The following PCDHA12 variants were observed in gnomAD, a reference collection of about 807,000 sequenced individuals.
PCDHA12 encodes protocadherin alpha 12, also known as protocadherin alpha-12.
PCDHA12 carries 44 observed loss-of-function variants against 60.0 expected under a neutral mutation model. The observed-to-expected ratio is 0.73, with a 90% confidence interval of 0.58 to 0.94. The LOEUF is 0.94. Among genes scored for constraint, PCDHA12 ranks in the 40% least tolerant of loss-of-function variants. The pLI, the probability that PCDHA12 is intolerant of heterozygous loss-of-function variation, is 0.00. For synonymous variants in PCDHA12, 569 were observed against 553.0 expected (o/e 1.03, Z -0.40); for missense variants, 1,276 against 1,239.7 (o/e 1.03, Z -0.44).
chr5:140,974,043 TATG>T (rs1554235772), intron 1 of PCDHA12, among the ~76,000 whole-genome samples: 1 of 152,238 alleles, frequency 6.6e-6, no homozygotes, highest in Non-Finnish European at 1.5e-5. Flanking sequence ...AGCTTATTAA[TATG>T]ATAATATTTG....
intron 1 of PCDHA12, among the ~76,000 whole-genome samples, chr5:140,978,370 A>T (rs78042832): frequency 6.6e-6 from 1 of 152,200 alleles, no homozygotes; most frequent in Non-Finnish European, 1.5e-5. Context: ...AAACTCTGCA[A>T]TAGTTTGTTT....
At chr5:141,000,921 C>T (rs562554000) in intron 3 of PCDHA12, among the ~76,000 whole-genome samples, 1 of 152,006 alleles carries the variant, frequency 6.6e-6, no homozygotes, top group Non-Finnish European at 1.5e-5. Flanking sequence ...AAAAAAAAAT[C>T]CTGTGTGATT....
At position 140,876,449 on chromosome 5, in the gene PCDHA12, G is replaced by T. The variant is rs1396307044; in HGVS notation, c.977G>T (p.Gly326Val). 6.2e-7 allele frequency: 1 copy of T among 1,613,880 alleles called. No individual in the cohort carries two copies. Among genetic ancestry groups the T allele is most frequent in the Non-Finnish European group, 8.5e-7 (1 of 1,179,902 alleles). ...ATTCAGGTTAACGCCATTGATAAAGGGATTCCTTCCATGGCAGGTCACAGC... is the reference window on the plus strand; with the variant it reads ...ATTCAGGTTAACGCCATTGATAAAGTGATTCCTTCCATGGCAGGTCACAGC... ...YEIQVNAIDK[G>V]IPSMAGHSMV... The change falls in exon 1 of 4, where the codon GGG becomes GTG. Residue 326 changes from glycine (G) to valine (V), a missense_variant. Coordinates refer to ENST00000398631, the MANE Select transcript of PCDHA12 (RefSeq NM_018903.4).
At position 140,969,226 on chromosome 5, in the gene PCDHA12, G is replaced by A. The variant is rs145631723; in HGVS notation, c.2368-9723G>A. 3.9e-4 allele frequency: 622 copies of A among 1,614,150 alleles called. 3 individuals are homozygous for A. The African/African-American group carries it at 5.9e-3, about 15-fold the overall frequency. On this transcript the variant is annotated intron_variant, in intron 1 of 3. Transcript: ENST00000398631. Reference sequence around the variant, plus strand: ...GGGCCCAGACAGGACCAGGGCCTTCGGGAGCCCAAGCAGCAGTGACTGACA... The same window carrying A: ...GGGCCCAGACAGGACCAGGGCCTTCAGGAGCCCAAGCAGCAGTGACTGACA...
At chr5:140,927,558 T>C (rs1554204736) in intron 1 of PCDHA12, 1 of 1,614,144 alleles carries the variant, frequency 6.2e-7, no homozygotes, top group East Asian at 2.2e-5. Context: ...TCACCATCAT[T>C]GTGGTGGACA....
intron 1 of PCDHA12, among the ~76,000 whole-genome samples, chr5:140,946,992 A>T (rs1393633852): frequency 1.3e-5 from 2 of 151,908 alleles, no homozygotes; most frequent in East Asian, 3.9e-4. Context: ...TGAGTGTTCT[A>T]ACTTCAAAGA....
At chr5:140,929,189 A>G (rs782622519) in intron 1 of PCDHA12, 62 of 1,614,180 alleles carry the variant, frequency 3.8e-5, no homozygotes, top group Non-Finnish European at 4.7e-5. Flanking sequence ...GGTTCTGATA[A>G]TAACAGTTTG....
intron 1 of PCDHA12, chr5:140,882,915 A>T: frequency 6.2e-7 from 1 of 1,614,228 alleles, no homozygotes; most frequent in Non-Finnish European, 8.5e-7. Context: ...ACAGCCAGTG[A>T]TGGAGGTAAA....
intron 1 of PCDHA12, among the ~76,000 whole-genome samples, chr5:140,939,289 A>G (rs1186126336): frequency 1.3e-5 from 2 of 152,102 alleles, no homozygotes; most frequent in African/African-American, 4.8e-5. Flanking sequence ...TCGTGATCTA[A>G]TCATCTCTAC....
chr5:140,964,363 G>A (rs1050460842), intron 1 of PCDHA12, among the ~76,000 whole-genome samples: 1 of 152,188 alleles, frequency 6.6e-6, no homozygotes, highest in Non-Finnish European at 1.5e-5. Flanking sequence ...GATGACAAGA[G>A]TGCTGAAAGG....
chr5:140,884,012 C>T, intron 1 of PCDHA12: 1 of 1,613,134 alleles, frequency 6.2e-7, no homozygotes, highest in Non-Finnish European at 8.5e-7. Context: ...CGAGCTGATG[C>T]CGCGGTCGGT....
rs182070121 is a variant in PCDHA12, at chr5:140,953,927, G to A, written c.2368-25022G>A. On this transcript the variant is annotated intron_variant, in intron 1 of 3. Coordinates refer to ENST00000398631, the MANE Select transcript of PCDHA12 (RefSeq NM_018903.4). ...GCATCCATTAGGTATTCTTCCTGAT[G>A]CTCTCCCTCCCATTGCTCCCCCAAC... Among the ~76,000 whole-genome samples the A allele has an allele frequency of 2.1e-3, 313 of 152,142 alleles. 1 individual carries two copies. The highest frequency in any genetic ancestry group is 7.1e-3 in the African/African-American group (295 of 41,500).
intron 1 of PCDHA12, among the ~76,000 whole-genome samples, chr5:140,921,828 A>C (rs1209455799): frequency 6.6e-6 from 1 of 152,126 alleles, no homozygotes; most frequent in Non-Finnish European, 1.5e-5. Flanking sequence ...ATATCTATAC[A>C]CATATAGACA....
chr5:140,977,762 C>T (rs996806241), intron 1 of PCDHA12, among the ~76,000 whole-genome samples: 6 of 152,124 alleles, frequency 3.9e-5, no homozygotes, highest in Non-Finnish European at 5.9e-5. Context: ...TTATTAAATA[C>T]TTTGCATCCC....
chr5:140,911,509 A>G (rs1378667100), intron 1 of PCDHA12, among the ~76,000 whole-genome samples: 1 of 152,214 alleles, frequency 6.6e-6, no homozygotes, highest in Admixed American at 6.5e-5. Flanking sequence ...GAGGTTCAGT[A>G]TCTGCTTCTG....
intron 1 of PCDHA12, among the ~76,000 whole-genome samples, chr5:140,902,368 A>G (rs1554190412): frequency 6.6e-6 from 1 of 151,696 alleles, no homozygotes; most frequent in Admixed American, 6.6e-5. Flanking sequence ...TCTCTTGTCT[A>G]ATTGCTCTAG....
chr5:140,989,019 T>C (rs1429425323), intron 3 of PCDHA12: 1 of 152,238 alleles, frequency 6.6e-6, no homozygotes, highest in East Asian at 1.9e-4. Context: ...TATAGTTTCT[T>C]CAGTTATCAT....
At chr5:140,966,469 C>G (rs1308389710) in intron 1 of PCDHA12, 1 of 432,506 alleles carries the variant, frequency 2.3e-6, no homozygotes, top group African/African-American at 2.0e-5. Context: ...GTCTTCCCTT[C>G]TGTTTCCTTT....
intron 1 of PCDHA12, among the ~76,000 whole-genome samples, chr5:140,897,219 C>T (rs1169975962): frequency 1.1e-4 from 17 of 152,004 alleles, no homozygotes; most frequent in Admixed American, 1.1e-3. Flanking sequence ...TTTTAGGGTA[C>T]ATGTGCACAA....
Sources: gnomAD v4.1 joint callset for allele counts (sites outside exome capture counted in the v4.1 genomes callset) on GRCh38, gnomAD v4.1.1 for gene constraint, MANE v1.5 for transcripts, NCBI Gene and HGNC (gene_info 2026-07-23, HGNC 2026-07-21) for gene names.